Variants in SLC16A12 observed in about 807,000 individuals in gnomAD.
The protein encoded by SLC16A12 is solute carrier family 16 member 12.
In SLC16A12, 17 loss-of-function variants were observed where a neutral mutation model predicts 42.4. The ratio of observed to expected loss-of-function variants is 0.40; its 90% CI spans 0.27 to 0.60. The LOEUF (loss-of-function observed/expected upper bound fraction) is 0.60. Ranked by LOEUF, SLC16A12 falls within the 20% of genes least tolerant of loss-of-function variation. The pLI, the probability that SLC16A12 is intolerant of heterozygous loss-of-function variation, is 0.42. For synonymous variants in SLC16A12, 224 were observed against 229.4 expected (o/e 0.98, Z 0.21); for missense variants, 544 against 623.0 (o/e 0.87, Z 1.35).
At chr10:89,496,878 T>A (rs1234519271) in intron 2 of SLC16A12, among the ~76,000 whole-genome samples, 1 of 152,020 alleles carries the variant, frequency 6.6e-6, no homozygotes, top group Non-Finnish European at 1.5e-5. Context: ...AACATAGGAC[T>A]CCTATCAAGA....
chr10:89,475,704 C>G (rs1442421336), intron 2 of SLC16A12, among the ~76,000 whole-genome samples: 1 of 152,124 alleles, frequency 6.6e-6, no homozygotes, highest in Non-Finnish European at 1.5e-5. Context: ...TAAACTGAAA[C>G]ACTGACCTTT....
chr10:89,512,901 T>C (rs1406177662), intron 2 of SLC16A12, among the ~76,000 whole-genome samples: 1 of 152,210 alleles, frequency 6.6e-6, no homozygotes, highest in Non-Finnish European at 1.5e-5. Context: ...TCTTATGGGA[T>C]GGAGTCCTTA....
At chr10:89,545,727 G>A (rs1329375137) in intron 2 of SLC16A12, among the ~76,000 whole-genome samples, 1 of 152,166 alleles carries the variant, frequency 6.6e-6, no homozygotes, top group African/African-American at 2.4e-5. Context: ...ATTTCATATG[G>A]AATCAAAGAA....
At chr10:89,531,045 C>G (rs1843543791) in intron 2 of SLC16A12, among the ~76,000 whole-genome samples, 1 of 152,068 alleles carries the variant, frequency 6.6e-6, no homozygotes, top group South Asian at 2.1e-4. Context: ...TAGCGATCAA[C>G]TTAGTTTTCA....
intron 2 of SLC16A12, chr10:89,463,078 G>A: frequency 6.4e-6 from 1 of 157,070 alleles, no homozygotes; most frequent in Non-Finnish European, 1.4e-5. Context: ...GGCTGGCAGA[G>A]GTACGAGACA....
intron 2 of SLC16A12, among the ~76,000 whole-genome samples, chr10:89,542,464 G>A (rs1021738791): frequency 1.3e-5 from 2 of 151,862 alleles, no homozygotes; most frequent in Admixed American, 1.3e-4. Flanking sequence ...CACCACGTCT[G>A]GGTAATCTTT....
chr10:89,454,081 A>G (rs927195222), intron 3 of SLC16A12, among the ~76,000 whole-genome samples: 1 of 151,316 alleles, frequency 6.6e-6, no homozygotes, highest in Admixed American at 6.6e-5. Context: ...GTGTGTGTGC[A>G]GTGGTGTGAT....
intron 2 of SLC16A12, among the ~76,000 whole-genome samples, chr10:89,508,537 A>G (rs1048219592): frequency 5.9e-5 from 9 of 152,134 alleles, no homozygotes; most frequent in Non-Finnish European, 1.0e-4. Context: ...AATGAGAAAA[A>G]AGACACAACA....
At chr10:89,533,363 T>C (rs955978825) in intron 2 of SLC16A12, among the ~76,000 whole-genome samples, 1 of 152,202 alleles carries the variant, frequency 6.6e-6, no homozygotes, top group Admixed American at 6.5e-5. Flanking sequence ...GTTTTGTTCA[T>C]TGACATATCC....
intron 2 of SLC16A12, among the ~76,000 whole-genome samples, chr10:89,470,801 C>A (rs1842479666): frequency 6.6e-6 from 1 of 152,202 alleles, no homozygotes; most frequent in Admixed American, 6.6e-5. Context: ...TATGCACATT[C>A]AGGAGGCCAG....
intron 2 of SLC16A12, among the ~76,000 whole-genome samples, chr10:89,549,312 A>T (rs1843757663): frequency 6.6e-6 from 1 of 152,248 alleles, no homozygotes; most frequent in African/African-American, 2.4e-5. Context: ...TCTTTGCAGT[A>T]AGTGTACACC....
intron 2 of SLC16A12, 46 bp downstream of exon 2, chr10:89,534,455 G>C (rs972086257): frequency 1.3e-5 from 2 of 152,052 alleles, no homozygotes; most frequent in Non-Finnish European, 2.9e-5. Context: ...CTAATTAGAG[G>C]CTCTTCAAAA....
At chr10:89,539,857 T>TTTTCTTTTTC (rs767393215), upstream of SLC16A12, among the ~76,000 whole-genome samples, 7 of 127,858 alleles carry the variant, frequency 5.5e-5, no homozygotes. Context: ...AGAAACAAAT[T>TTTTCTTTTTC]TTTCTTTCTT....
At chr10:89,502,618 A>T (rs1843005082) in intron 2 of SLC16A12, among the ~76,000 whole-genome samples, 1 of 152,170 alleles carries the variant, frequency 6.6e-6, no homozygotes, top group Admixed American at 6.5e-5. Context: ...AGCTATCAAA[A>T]CTGTGTCATG....
At chr10:89,519,834 G>A (rs1843322182) in intron 2 of SLC16A12, among the ~76,000 whole-genome samples, 1 of 152,128 alleles carries the variant, frequency 6.6e-6, no homozygotes. Context: ...TCATACAAAG[G>A]CCGGGTGCGG....
intron 3 of SLC16A12, among the ~76,000 whole-genome samples, chr10:89,447,089 G>A (rs1337883521): frequency 6.6e-6 from 1 of 152,066 alleles, no homozygotes; most frequent in Non-Finnish European, 1.5e-5. Flanking sequence ...CCCAATACAG[G>A]AGCACCCAAA....
chr10:89,433,339 A>G lies in SLC16A12; in HGVS notation c.1289-13T>C. The G allele has an allele frequency of 6.2e-7, 1 of 1,613,194 alleles. No individual in the cohort carries two copies. The highest frequency in any genetic ancestry group is 8.5e-7 in the Non-Finnish European group (1 of 1,179,974). ...TCTACCAGCCGTCCTGTAACAAACA[A>G]CAGCAAAATTTTATTTTTGAGTTGA... On this transcript the variant is annotated splice_polypyrimidine_tract_variant and intron_variant, in intron 7 of 7. Transcript: ENST00000371790.
At chr10:89,550,160 A>G (rs1484722176) in intron 2 of SLC16A12, among the ~76,000 whole-genome samples, 1 of 152,100 alleles carries the variant, frequency 6.6e-6, no homozygotes, top group Non-Finnish European at 1.5e-5. Flanking sequence ...CAAGTCTCCT[A>G]ACTGATCTCC....
intron 3 of SLC16A12, among the ~76,000 whole-genome samples, chr10:89,457,549 C>A (rs1842215503): frequency 6.6e-6 from 1 of 152,190 alleles, no homozygotes; most frequent in Non-Finnish European, 1.5e-5. Flanking sequence ...ATTAGTTCAA[C>A]CATTGTAGAA....
Sources: gnomAD v4.1 joint callset for allele counts (sites outside exome capture counted in the v4.1 genomes callset) on GRCh38, gnomAD v4.1.1 for gene constraint, MANE v1.5 for transcripts, NCBI Gene and HGNC (gene_info 2026-07-23, HGNC 2026-07-21) for gene names.